The following PPARGC1A variants were observed in gnomAD, a reference collection of about 807,000 sequenced individuals.
PPARGC1A encodes the protein peroxisome proliferator-activated receptor gamma coactivator 1-alpha.
A neutral mutation model predicts 88.7 loss-of-function variants in PPARGC1A; 25 were observed. The ratio of observed to expected loss-of-function variants is 0.28; its 90% CI spans 0.21 to 0.39. The LOEUF (loss-of-function observed/expected upper bound fraction) is 0.39, where lower values mean the gene tolerates loss of function less well. Among genes scored for constraint, PPARGC1A ranks in the 10% least tolerant of loss-of-function variants. The pLI is 1.00. For missense variants in PPARGC1A, 880 were observed against 968.7 expected, an observed-to-expected ratio of 0.91 and a Z score of 1.22; for synonymous variants, 363 against 355.6, an observed-to-expected ratio of 1.02 and a Z score of -0.24.
chr4:24,020,017 T>C, the PPARGC1A span, among the ~76,000 whole-genome samples: 3 of 152,224 alleles, frequency 2.0e-5, no homozygotes, highest in Admixed American at 1.3e-4. Context: ...TCATTTTTCC[T>C]ACCTTGCATG....
At chr4:24,206,872 A>G in the PPARGC1A span, among the ~76,000 whole-genome samples, 1 of 111,868 alleles carries the variant, frequency 8.9e-6, no homozygotes, top group Non-Finnish European at 1.9e-5. Context: ...AAAAAAAAAA[A>G]AAAGCTAACA....
chr4:23,842,331 TC>T (rs1727198911), intron 2 of PPARGC1A, among the ~76,000 whole-genome samples: 1 of 152,144 alleles, frequency 6.6e-6, no homozygotes, highest in Admixed American at 6.6e-5. Context: ...TGAATGTTCT[TC>T]CCTCTTTACA....
At chr4:24,462,552 G>A in the PPARGC1A span, among the ~76,000 whole-genome samples, 447 of 152,004 alleles carry the variant, frequency 2.9e-3, no homozygotes, top group African/African-American at 9.4e-3. Flanking sequence ...TGTGACCTTG[G>A]CTACGTTACT....
chr4:23,827,450 G>A (rs1420654769), intron 5 of PPARGC1A, among the ~76,000 whole-genome samples: 5 of 152,050 alleles, frequency 3.3e-5, no homozygotes, highest in Non-Finnish European at 7.4e-5. Flanking sequence ...AGAGGTATAT[G>A]TTTATAATTG....
chr4:24,319,507 G>GT, the PPARGC1A span, among the ~76,000 whole-genome samples: 1 of 152,076 alleles, frequency 6.6e-6, no homozygotes, highest in East Asian at 1.9e-4. Context: ...GATCTCCTTA[G>GT]TTAGCTTGGG....
At chr4:23,987,329 A>T in the PPARGC1A span, among the ~76,000 whole-genome samples, 24 of 152,046 alleles carry the variant, frequency 1.6e-4, no homozygotes, top group Admixed American at 1.6e-3. Context: ...TTTACTACAG[A>T]TCCAAACCTT....
At chr4:24,142,187 T>C in the PPARGC1A span, among the ~76,000 whole-genome samples, 5 of 152,164 alleles carry the variant, frequency 3.3e-5, no homozygotes, top group Admixed American at 6.5e-5. Flanking sequence ...CATAGAGTGT[T>C]TGAAGCACTG....
intron 2 of PPARGC1A, among the ~76,000 whole-genome samples, chr4:23,868,588 A>G (rs377385542): frequency 6.6e-6 from 1 of 152,204 alleles, no homozygotes; most frequent in African/African-American, 2.4e-5. Flanking sequence ...ACCTTGAGAG[A>G]TTTAGCCAAA....
the PPARGC1A span, among the ~76,000 whole-genome samples, chr4:24,422,680 G>A: frequency 2.7e-5 from 4 of 148,314 alleles, no homozygotes; most frequent in Non-Finnish European, 5.9e-5. Context: ...GACCATATAA[G>A]GCAAGCCCTT....
the PPARGC1A span, among the ~76,000 whole-genome samples, chr4:24,052,122 C>G: frequency 6.6e-6 from 1 of 152,232 alleles, no homozygotes; most frequent in Admixed American, 6.5e-5. Context: ...TTCTGAGGTT[C>G]TGAGGCTGGT....
At chr4:23,955,348 G>T in the PPARGC1A span, among the ~76,000 whole-genome samples, 1 of 152,036 alleles carries the variant, frequency 6.6e-6, no homozygotes, top group Non-Finnish European at 1.5e-5. Flanking sequence ...TGCCTTGAAA[G>T]TAGAGTTATA....
the PPARGC1A span, among the ~76,000 whole-genome samples, chr4:24,224,684 G>C: frequency 2.6e-5 from 4 of 152,208 alleles, no homozygotes; most frequent in Non-Finnish European, 5.9e-5. Flanking sequence ...TGGGGGCAAA[G>C]TGGAAAGGGG....
chr4:24,346,103 A>G, the PPARGC1A span, among the ~76,000 whole-genome samples: 1 of 152,186 alleles, frequency 6.6e-6, no homozygotes, highest in Admixed American at 6.5e-5. Context: ...CATATGTTAA[A>G]CCATCCCTGC....
the PPARGC1A span, among the ~76,000 whole-genome samples, chr4:24,096,353 C>G: frequency 5.9e-5 from 9 of 152,072 alleles, no homozygotes; most frequent in African/African-American, 2.2e-4. Context: ...TAAGAATGGA[C>G]TAATACAAGG....
chr4:23,953,432 A>G, the PPARGC1A span, among the ~76,000 whole-genome samples: 1 of 152,116 alleles, frequency 6.6e-6, no homozygotes. Flanking sequence ...GAAAAACTTT[A>G]TTATGGAACA....
chr4:24,003,611 G>C, the PPARGC1A span, among the ~76,000 whole-genome samples: 1 of 152,048 alleles, frequency 6.6e-6, no homozygotes, highest in Non-Finnish European at 1.5e-5. Flanking sequence ...AGACCAGTAA[G>C]TACAAAGACC....
At chr4:24,281,545 G>T in the PPARGC1A span, among the ~76,000 whole-genome samples, 2 of 152,140 alleles carry the variant, frequency 1.3e-5, no homozygotes, top group Admixed American at 6.5e-5. Flanking sequence ...CCACTCCCAT[G>T]ACCACAACAC....
the PPARGC1A span, among the ~76,000 whole-genome samples, chr4:23,963,103 T>C: frequency 6.6e-6 from 1 of 152,168 alleles, no homozygotes; most frequent in Non-Finnish European, 1.5e-5. Flanking sequence ...CATTTTGTGA[T>C]CCTGACATGG....
the PPARGC1A span, among the ~76,000 whole-genome samples, chr4:24,201,755 T>C: frequency 6.6e-6 from 1 of 152,230 alleles, no homozygotes; most frequent in Non-Finnish European, 1.5e-5. Context: ...ACATATATAA[T>C]TATTTTTAAT....
Sources: gnomAD v4.1 joint callset for allele counts (sites outside exome capture counted in the v4.1 genomes callset) on GRCh38, gnomAD v4.1.1 for gene constraint, MANE v1.5 for transcripts, NCBI Gene and HGNC (gene_info 2026-07-23, HGNC 2026-07-21) for gene names.